BDP1: variants seen among roughly 807,000 people sequenced by gnomAD.
The protein encoded by BDP1 is transcription factor TFIIIB component B'' homolog.
A neutral mutation model predicts 266.6 loss-of-function variants in BDP1; 169 were observed. That is an observed-to-expected ratio of 0.63 (90% CI 0.56 to 0.72). The LOEUF is 0.72. Ranked by LOEUF, BDP1 falls within the 30% of genes least tolerant of loss-of-function variation. BDP1 has a pLI of 0.00. For missense variants in BDP1, 3,015 were observed against 3,053.8 expected, an observed-to-expected ratio of 0.99 and a Z score of 0.30; for synonymous variants, 1,090 against 1,022.4, an observed-to-expected ratio of 1.07 and a Z score of -1.26.
rs1244923846 is a variant in BDP1 at position 71,559,967 on chromosome 5, C to T, written c.7241-15C>T. 2.5e-6 allele frequency: 4 copies of T among 1,610,788 alleles called. No homozygotes were observed. Among genetic ancestry groups the T allele is most frequent in the African/African-American group, 2.7e-5 (2 of 74,684 alleles). Reference sequence around the variant, plus strand: ...CTTCAGTATCCTTGCTTTCCATTTGCTCTTTTTTTTGAAGGGGAGTCTCAC... The same window carrying T: ...CTTCAGTATCCTTGCTTTCCATTTGTTCTTTTTTTTGAAGGGGAGTCTCAC... On this transcript the variant is annotated splice_polypyrimidine_tract_variant and intron_variant, in intron 36 of 38. Transcript: ENST00000358731.
chr5:71,505,963 T>C (rs896193918), intron 16 of BDP1, among the ~76,000 whole-genome samples: 3 of 152,218 alleles, frequency 2.0e-5, no homozygotes, highest in African/African-American at 7.2e-5. Flanking sequence ...CTCTATTTCT[T>C]GTTGCCTTCA....
chr5:71,492,332 G>A lies in BDP1; in HGVS notation c.1640+1201G>A, dbSNP rs372602775. ...GACCCTCCATACTGTTTCCAATAGCGGGTACACCATTTTACATAACCACCA... is the reference window on the plus strand; with the variant it reads ...GACCCTCCATACTGTTTCCAATAGCAGGTACACCATTTTACATAACCACCA... On this transcript the variant is annotated intron_variant, in intron 11 of 38. Coordinates refer to ENST00000358731, the MANE Select transcript of BDP1 (RefSeq NM_018429.3). Among the ~76,000 whole-genome samples, 20 of 152,158 alleles carry A rather than the reference G, an allele frequency of 1.3e-4. 1 individual carries two copies. The highest frequency in any genetic ancestry group is 9.6e-4 in the East Asian group (5 of 5,188).
At chr5:71,502,283 T>C (rs908236515) in intron 14 of BDP1, among the ~76,000 whole-genome samples, 1 of 151,608 alleles carries the variant, frequency 6.6e-6, no homozygotes, top group Admixed American at 6.6e-5. Flanking sequence ...CAAGCGATTC[T>C]TCTGCCTCAG....
At chr5:71,558,767 G>A (rs186926705) in intron 36 of BDP1, among the ~76,000 whole-genome samples, 188 of 149,028 alleles carry the variant, frequency 1.3e-3, no homozygotes, top group African/African-American at 3.9e-3. Context: ...CAGAGGTTGC[G>A]GTGAGCCGAG....
At chr5:71,535,339 G>A (rs1286741017) in intron 26 of BDP1, among the ~76,000 whole-genome samples, 1 of 151,784 alleles carries the variant, frequency 6.6e-6, no homozygotes, top group Non-Finnish European at 1.5e-5. Context: ...AGAGTAGCTG[G>A]GATTACAAGC....
At position 71,556,914 on chromosome 5, in the gene BDP1, T is replaced by C. The variant is rs756847434; in HGVS notation, c.7229T>C (p.Phe2410Ser). The C allele has an allele frequency of 2.1e-6, 3 of 1,461,626 alleles. No individual in the cohort carries two copies. Among genetic ancestry groups the C allele is most frequent in the Non-Finnish European group, 2.7e-6 (3 of 1,095,166 alleles). 90.5% of individuals were successfully genotyped at this position (1,461,626 alleles called of 1,614,324 possible). ...CACTCAAAGGAATTAACAAATGTTTTTGAGGAAACAGGTAAGTGAAATACA... is the reference window on the plus strand; with the variant it reads ...CACTCAAAGGAATTAACAAATGTTTCTGAGGAAACAGGTAAGTGAAATACA... ...EVHSKELTNV[F>S]EETGESHKGQ... is the part of the protein sequence containing the mutation. Residue 2410 changes from phenylalanine to serine, a missense_variant, in exon 36 of 39, where the codon TTT becomes TCT. By Grantham distance (155) the Phe-to-Ser change is radical (BLOSUM62 -2). Around this residue, in one of 3 missense-constraint regions of BDP1, gnomAD observed 629 missense variants for 632.5 expected, o/e 0.99. Transcript: ENST00000358731.
intron 9 of BDP1, among the ~76,000 whole-genome samples, chr5:71,487,523 G>T (rs1421515821): frequency 6.6e-6 from 1 of 152,150 alleles, no homozygotes; most frequent in Non-Finnish European, 1.5e-5. Flanking sequence ...GATTACAGGC[G>T]TGAGCCACCG....
In BDP1 at chr5:71,541,602, C is replaced by G. The variant is rs750066745; in HGVS notation, c.6171C>G (p.Asn2057Lys). 6.2e-7 allele frequency: 1 copy of G among 1,612,548 alleles called. No individual in the cohort carries two copies. The highest frequency in any genetic ancestry group is 1.3e-5 in the African/African-American group (1 of 74,846). Residue 2057 changes from asparagine (N) to lysine (K), a missense_variant, in exon 29 of 39, where the codon AAC becomes AAG. Coordinates refer to ENST00000358731, the MANE Select transcript of BDP1 (RefSeq NM_018429.3). The part of the protein sequence containing the change: ...ITTSPASFEE[N>K]KIVLEEQSSR... ...CATCTCCTGCATCATTTGAAGAAAA[C>G]AAGATTGTATTGGAGGAACAAAGTT...
chr5:71,572,296 T>G (rs1293829244), downstream of BDP1, among the ~76,000 whole-genome samples: 3 of 152,104 alleles, frequency 2.0e-5, no homozygotes, highest in African/African-American at 7.3e-5. Flanking sequence ...ATTCCCGCAT[T>G]CATCCCCCTT....
At chr5:71,550,694 G>T (rs990683122) in intron 34 of BDP1, among the ~76,000 whole-genome samples, 2 of 152,102 alleles carry the variant, frequency 1.3e-5, no homozygotes, top group African/African-American at 4.8e-5. Flanking sequence ...TGTAGCATTA[G>T]AAATTGAAGA....
chr5:71,516,339 C>A, intron 21 of BDP1, 68 bp downstream of exon 21: 1 of 1,202,962 alleles, frequency 8.3e-7, no homozygotes, highest in Non-Finnish European at 1.2e-6. Flanking sequence ...ATAGCTCAGA[C>A]ATAGCTTAGA....
Position 71,502,665 on chromosome 5 carries a change from G to A in BDP1, c.2115G>A (p.Arg705=), listed in dbSNP as rs1353051791. The part of the protein sequence containing the change: ...QLKALRPVQV[R]GRLQKPKPNA... ...AGGCTTTAAGACCTGTACAAGTGAG[G>A]GGCCGATTGCAAAAGCCAAAGCCAA... is the stretch of plus-strand genomic sequence containing the variant. Residue 705 remains arginine, a synonymous_variant, in exon 15 of 39, where the codon AGG becomes AGA. Coordinates refer to ENST00000358731, the MANE Select transcript of BDP1 (RefSeq NM_018429.3). 2.5e-6 allele frequency: 4 copies of A among 1,613,968 alleles called. No homozygotes were observed. The highest frequency in any genetic ancestry group is 1.1e-5 in the South Asian group (1 of 91,072).
intron 11 of BDP1, among the ~76,000 whole-genome samples, chr5:71,492,390 T>C (rs963345662): frequency 6.6e-6 from 1 of 152,130 alleles, no homozygotes; most frequent in Non-Finnish European, 1.5e-5. Flanking sequence ...TTTTCACATC[T>C]TCTTCAATAC....
chr5:71,545,383 G>A (rs1742211518), intron 32 of BDP1, 164 bp downstream of exon 32: 5 of 701,552 alleles, frequency 7.1e-6, no homozygotes, highest in Non-Finnish European at 1.2e-5. Context: ...CCAGGCAAGA[G>A]TGCAGTGGTA....
intron 30 of BDP1, among the ~76,000 whole-genome samples, chr5:71,543,172 T>A (rs1341660939): frequency 6.6e-6 from 1 of 152,168 alleles, no homozygotes; most frequent in Non-Finnish European, 1.5e-5. Context: ...TCCTAGCTAC[T>A]CAGGAGGCTG....
chr5:71,524,790 A>T lies in BDP1; in HGVS notation c.5772+467A>T, dbSNP rs528372530. On this transcript the variant is annotated intron_variant, in intron 25 of 38. Coordinates refer to ENST00000358731, the MANE Select transcript of BDP1 (RefSeq NM_018429.3). Reference sequence around the variant, plus strand: ...GGCAGAGGACCCTGCGGCCTTCCGCAGTGTTTGTGTCCCTGGGTACTTGAG... The same window carrying T: ...GGCAGAGGACCCTGCGGCCTTCCGCTGTGTTTGTGTCCCTGGGTACTTGAG... Among the ~76,000 whole-genome samples, 37 of 150,324 alleles carry T rather than the reference A, an allele frequency of 2.5e-4. No homozygotes were observed. In the East Asian group the frequency reaches 5.5e-3, roughly 22 times the overall value.
intron 22 of BDP1, 72 bp from the exon 23 acceptor site, chr5:71,522,217 T>C (rs985888068): frequency 8.5e-7 from 1 of 1,173,724 alleles, no homozygotes; most frequent in Non-Finnish European, 1.2e-6. Flanking sequence ...CAAAATTGTT[T>C]GATGTAACAG....
intron 20 of BDP1, 130 bp from the exon 21 acceptor site, chr5:71,515,931 A>AATTT: frequency 4.9e-6 from 3 of 614,088 alleles, no homozygotes; most frequent in Non-Finnish European, 8.6e-6. Flanking sequence ...ATCAGAAAGC[A>AATTT]ATTTCCCTTT....
At chr5:71,509,330 A>G in intron 16 of BDP1, 135 bp from the exon 17 acceptor site, 1 of 920,676 alleles carries the variant, frequency 1.1e-6, no homozygotes, top group Non-Finnish European at 1.6e-6. Context: ...AATTTTACCC[A>G]GCGATTCCTA....
Sources: allele counts gnomAD v4.1 joint callset (sites outside exome capture counted in the v4.1 genomes callset), GRCh38; gene constraint gnomAD v4.1.1; regional missense constraint gnomAD v4.1.1; transcripts MANE v1.5; gene names NCBI Gene and HGNC (gene_info 2026-07-23, HGNC 2026-07-21).